NCOR1: variants seen among roughly 807,000 people sequenced by gnomAD.
NCOR1 encodes nuclear receptor corepressor 1.
Under a neutral mutation model 288.1 loss-of-function variants are expected in NCOR1, and 63 were observed. The ratio of observed to expected loss-of-function variants is 0.22; its 90% CI spans 0.18 to 0.27. NCOR1 has a LOEUF of 0.27. Ranked by LOEUF, NCOR1 falls within the 10% of genes least tolerant of loss-of-function variation. The probability of loss-of-function intolerance (pLI) is 1.00; values close to 1 mark genes in which losing one functional copy is unlikely to be tolerated. For missense variants in NCOR1, 2,397 were observed against 3,019.2 expected, an observed-to-expected ratio of 0.79 and a Z score of 4.83; for synonymous variants, 1,007 against 1,065.9, an observed-to-expected ratio of 0.94 and a Z score of 1.08.
At chr17:16,171,112 A>C (rs1215898465) in intron 4 of NCOR1, among the ~76,000 whole-genome samples, 4 of 152,178 alleles carry the variant, frequency 2.6e-5, no homozygotes, top group Non-Finnish European at 5.9e-5. Context: ...AAACTATGTG[A>C]GGTGATGAAT....
Position 16,064,205 on chromosome 17 carries a change from G to A in NCOR1, c.5102-18C>T, listed in dbSNP as rs2152657928. On this transcript the variant is annotated intron_variant, in intron 34 of 45. Transcript: ENST00000268712. ...TGGGTGTCCTGTAAAACATAAACCTGCAGCTTAAAGATAAAAATATCAACT... is the reference window on the plus strand; with the variant it reads ...TGGGTGTCCTGTAAAACATAAACCTACAGCTTAAAGATAAAAATATCAACT... 1.2e-6 allele frequency: 2 copies of A among 1,602,320 alleles called. No individual in the cohort carries two copies. Among genetic ancestry groups the A allele is most frequent in the Non-Finnish European group, 1.7e-6 (2 of 1,173,744 alleles).
At chr17:16,107,385 G>A (rs1388501616) in intron 19 of NCOR1, among the ~76,000 whole-genome samples, 1 of 152,106 alleles carries the variant, frequency 6.6e-6, no homozygotes, top group Non-Finnish European at 1.5e-5. Flanking sequence ...GTCTTCATAT[G>A]AGGAAGAGAC....
At chr17:16,179,913 G>A (rs942657040) in intron 3 of NCOR1, among the ~76,000 whole-genome samples, 13 of 144,986 alleles carry the variant, frequency 9.0e-5, no homozygotes, top group Non-Finnish European at 1.3e-4. Flanking sequence ...AGCCAAGATC[G>A]TGCCACTGCA....
chr17:16,161,381 C>T (rs1309694693), intron 5 of NCOR1, among the ~76,000 whole-genome samples: 1 of 152,072 alleles, frequency 6.6e-6, no homozygotes, highest in Non-Finnish European at 1.5e-5. Flanking sequence ...CCTCTGCCTC[C>T]CGGGTTCAGG....
intron 40 of NCOR1, among the ~76,000 whole-genome samples, chr17:16,056,150 AG>A (rs2059891126): frequency 6.6e-6 from 1 of 151,976 alleles, no homozygotes; most frequent in South Asian, 2.1e-4. Flanking sequence ...ATGGGTTGGT[AG>A]GTAGGCTGGA....
At chr17:16,049,263 G>A in intron 40 of NCOR1, 1 of 232,290 alleles carries the variant, frequency 4.3e-6, no homozygotes, top group Non-Finnish European at 8.3e-6. Context: ...CAGCAGCAGT[G>A]GCAGAAGCTG....
At position 16,119,613 on chromosome 17, in the gene NCOR1, T is replaced by A. The variant is rs564359047; in HGVS notation, c.1853-128A>T. 1.2e-5 allele frequency: 7 copies of A among 560,520 alleles called. No individual in the cohort carries two copies. In the East Asian group the frequency reaches 1.5e-4, roughly 12 times the overall value. 34.7% of individuals were successfully genotyped at this position (560,520 alleles called of 1,614,324 possible). A position where few individuals can be genotyped will look rare whatever the true frequency, so the allele number is the denominator to read the frequency against. ...TGTAAAAGCATTTGGTGAAAGAAAC[T>A]GCAGAAATAGGATAGTAACCTCTCC... On this transcript the variant is annotated intron_variant, in intron 16 of 45. Transcript: ENST00000268712.
chr17:16,042,618 C>T (rs2057934957), intron 42 of NCOR1, among the ~76,000 whole-genome samples: 1 of 152,136 alleles, frequency 6.6e-6, no homozygotes, highest in South Asian at 2.1e-4. Flanking sequence ...GGTAACTGCT[C>T]AGAAATTAGC....
chr17:16,094,141 T>G (rs1281348487), intron 21 of NCOR1, among the ~76,000 whole-genome samples: 1 of 152,064 alleles, frequency 6.6e-6, no homozygotes, highest in Non-Finnish European at 1.5e-5. Context: ...TGCGGTCAAG[T>G]GATCCACCCA....
At chr17:16,109,740 A>T (rs79211103) in intron 18 of NCOR1, among the ~76,000 whole-genome samples, 5 of 151,114 alleles carry the variant, frequency 3.3e-5, no homozygotes, top group Middle Eastern at 3.5e-3. Context: ...CACTCAATTT[A>T]TTTTTCTTTT....
At chr17:16,214,817 T>G (rs2092413388) in intron 1 of NCOR1, among the ~76,000 whole-genome samples, 1 of 152,182 alleles carries the variant, frequency 6.6e-6, no homozygotes, top group Non-Finnish European at 1.5e-5. Flanking sequence ...GCAGAAGGTA[T>G]AGTGTTCGGA....
intron 20 of NCOR1, chr17:16,098,830 A>C: frequency 6.0e-6 from 1 of 166,872 alleles, no homozygotes; most frequent in Non-Finnish European, 1.3e-5. Flanking sequence ...AAGAAACCTA[A>C]TACTGACTTA....
At chr17:16,086,921 T>C (rs1359270390) in intron 22 of NCOR1, among the ~76,000 whole-genome samples, 1 of 152,200 alleles carries the variant, frequency 6.6e-6, no homozygotes, top group East Asian at 1.9e-4. Flanking sequence ...CTCAAGACTT[T>C]TACAAATTCA....
chr17:16,172,991 C>T lies in NCOR1; in HGVS notation c.243-996G>A, dbSNP rs1599885641. ...CTTTTTTGAGGCCCAGACTGGAGTG[C>T]CCCATCTCGGCTCACTGCAACCTCC... On this transcript the variant is annotated intron_variant, in intron 3 of 45. Coordinates refer to ENST00000268712, the MANE Select transcript of NCOR1 (RefSeq NM_006311.4). 2.6e-5 allele frequency among the ~76,000 whole-genome samples: 4 copies of T among 152,040 alleles called. No individual in the cohort carries two copies. The East Asian group carries it at 5.8e-4, about 22-fold the overall frequency.
intron 18 of NCOR1, among the ~76,000 whole-genome samples, chr17:16,113,137 G>A (rs149173457): frequency 1.4e-3 from 208 of 151,470 alleles, no homozygotes; most frequent in African/African-American, 4.7e-3. Flanking sequence ...GGATGGTCTC[G>A]ATCTCCTGAC....
At chr17:16,174,524 T>C (rs1394099589) in intron 3 of NCOR1, among the ~76,000 whole-genome samples, 1 of 152,130 alleles carries the variant, frequency 6.6e-6, no homozygotes, top group Non-Finnish European at 1.5e-5. Flanking sequence ...GAAACTAAGG[T>C]ACCAAGGAAC....
chr17:16,194,363 A>G, intron 2 of NCOR1, 99 bp downstream of exon 2: 1 of 656,118 alleles, frequency 1.5e-6, no homozygotes. Context: ...AAAAAAAAAA[A>G]GATAAATTTG....
chr17:16,128,589 G>C (rs1262260204), intron 14 of NCOR1, among the ~76,000 whole-genome samples: 1 of 152,156 alleles, frequency 6.6e-6, no homozygotes, highest in Non-Finnish European at 1.5e-5. Context: ...CTTTATTCCA[G>C]TTATCTGAAA....
intron 18 of NCOR1, 82 bp downstream of exon 18, chr17:16,117,806 A>G: frequency 7.0e-7 from 1 of 1,421,186 alleles, no homozygotes; most frequent in East Asian, 2.3e-5. Context: ...TGGGTGATAG[A>G]GTGAGACTCC....
Sources: allele counts gnomAD v4.1 joint callset (sites outside exome capture counted in the v4.1 genomes callset), GRCh38; gene constraint gnomAD v4.1.1; transcripts MANE v1.5; gene names NCBI Gene and HGNC (gene_info 2026-07-23, HGNC 2026-07-21).